Variants in PIK3R6 observed in about 807,000 individuals in gnomAD.
PIK3R6 encodes phosphoinositide 3-kinase regulatory subunit 6.
PIK3R6 carries 91 observed loss-of-function variants against 84.9 expected under a neutral mutation model. The observed-to-expected ratio is 1.07, with a 90% CI of 0.90 to 1.28. The LOEUF (loss-of-function observed/expected upper bound fraction) is 1.28. PIK3R6 is among the 50% of genes most tolerant of loss of function. PIK3R6 has a pLI of 0.00. For missense variants in PIK3R6, 996 were observed against 985.1 expected, an observed-to-expected ratio of 1.01 and a Z score of -0.15; for synonymous variants, 416 against 411.4, an observed-to-expected ratio of 1.01 and a Z score of -0.13.
chr17:8,829,637 C>T, intron 10 of PIK3R6, 69 bp downstream of exon 10: 2 of 1,438,384 alleles, frequency 1.4e-6, no homozygotes, highest in Admixed American at 2.0e-5. Flanking sequence ...CTGACACACA[C>T]TCATGCACGC....
chr17:8,828,967 G>T lies in PIK3R6; in HGVS notation c.913C>A (p.Arg305Ser). ...QLWKELVLFLRPRSQLRLSAD... is the reference protein window; with the variant it reads ...QLWKELVLFLSPRSQLRLSAD... The stretch of plus-strand genomic sequence containing the variant: ...CTGAGGCGCAGCTGGGATCTTGGGC[G>T]GAGGAAGAGCACCAGTTCCTTCCCT... Residue 305 changes from arginine (R) to serine (S), a missense_variant, in exon 11 of 20, where the codon CGC (arginine) becomes AGC (serine). Coordinates refer to ENST00000619866, the MANE Select transcript of PIK3R6 (RefSeq NM_001010855.4). 1 of 1,500,100 alleles carries T rather than the reference G, an allele frequency of 6.7e-7. No homozygotes were observed. The highest frequency in any genetic ancestry group is 8.9e-7 in the Non-Finnish European group (1 of 1,124,548). The allele number at this position is 1,500,100 out of a possible 1,614,324, so 92.9% of individuals were successfully genotyped here.
intron 18 of PIK3R6, among the ~76,000 whole-genome samples, chr17:8,814,034 G>A (rs75456541): frequency 0.023 from 3,457 of 152,018 alleles, 130 homozygotes; most frequent in African/African-American, 0.076. Flanking sequence ...CCCTTTACTC[G>A]CTGAGGCAGG....
intron 18 of PIK3R6, among the ~76,000 whole-genome samples, chr17:8,813,055 A>C (rs2087405758): frequency 6.6e-6 from 1 of 152,216 alleles, no homozygotes; most frequent in African/African-American, 2.4e-5. Flanking sequence ...GAAATGAGAA[A>C]GGTATCATTA....
intron 1 of PIK3R6, among the ~76,000 whole-genome samples, chr17:8,851,263 C>T (rs901819470): frequency 1.3e-5 from 2 of 151,952 alleles, no homozygotes; most frequent in Admixed American, 6.6e-5. Flanking sequence ...TTTGGGAGGC[C>T]GAGGCGGGCA....
intron 1 of PIK3R6, among the ~76,000 whole-genome samples, chr17:8,858,823 C>T (rs1173400756): frequency 3.9e-5 from 6 of 152,198 alleles, no homozygotes; most frequent in African/African-American, 9.7e-5. Flanking sequence ...TCCAGCCCAC[C>T]GCTCTGCTGG....
Position 8,836,556 on chromosome 17 carries a change from T to A in PIK3R6, c.452A>T (p.Tyr151Phe). Residue 151 changes from tyrosine (Y) to phenylalanine (F), a missense_variant, in exon 7 of 20, where the codon TAC becomes TTC. Tyr to Phe is a conservative substitution (Grantham distance 22). Coordinates refer to ENST00000619866, the MANE Select transcript of PIK3R6 (RefSeq NM_001010855.4). ...EQNLTNELYP[Y>F]QERVFLFVDP... ...TTCTGGGGCCACTCACCTCTCCTGGTAGGGATACAGCTCATTCGTCAAGTT... is the reference window on the plus strand; with the variant it reads ...TTCTGGGGCCACTCACCTCTCCTGGAAGGGATACAGCTCATTCGTCAAGTT... 6.2e-7 allele frequency: 1 copy of A among 1,613,956 alleles called. No homozygotes were observed. The highest frequency in any genetic ancestry group is 8.5e-7 in the Non-Finnish European group (1 of 1,179,880).
chr17:8,836,980 A>C (rs1383699216), intron 5 of PIK3R6, 57 bp from the exon 6 acceptor site: 11 of 334,524 alleles, frequency 3.3e-5, no homozygotes, highest in Non-Finnish European at 4.5e-5. Flanking sequence ...AAGAGGGAGG[A>C]GGGGGAGGTG....
chr17:8,835,482 G>A, intron 7 of PIK3R6, 26 bp from the exon 8 acceptor site: 1 of 1,521,072 alleles, frequency 6.6e-7, no homozygotes, highest in Non-Finnish European at 8.9e-7. Context: ...GAGGGGAGAG[G>A]TGGGATTGAT....
intron 9 of PIK3R6, among the ~76,000 whole-genome samples, chr17:8,832,197 G>A (rs972537415): frequency 2.0e-5 from 3 of 152,136 alleles, no homozygotes; most frequent in South Asian, 2.1e-4. Context: ...ACTCAGTTTC[G>A]TCCTCTGTAA....
intron 9 of PIK3R6, among the ~76,000 whole-genome samples, chr17:8,830,977 A>G (rs1371179448): frequency 6.6e-6 from 1 of 151,950 alleles, no homozygotes; most frequent in South Asian, 2.1e-4. Flanking sequence ...CCCCGTCTCT[A>G]CTAAAAAAAC....
chr17:8,832,764 C>T (rs1208340243), intron 9 of PIK3R6, 125 bp downstream of exon 9: 3 of 1,433,904 alleles, frequency 2.1e-6, no homozygotes, highest in Admixed American at 1.9e-5. Context: ...AGTCCCCAGG[C>T]TCCTGGGAGT....
intron 1 of PIK3R6, among the ~76,000 whole-genome samples, chr17:8,860,273 G>A (rs1393058618): frequency 6.7e-6 from 1 of 149,204 alleles, no homozygotes; most frequent in Non-Finnish European, 1.5e-5. Flanking sequence ...GACCGCCTGA[G>A]CTCCGCCTCC....
At position 8,837,849 on chromosome 17, in the gene PIK3R6, T is replaced by C; in HGVS notation, c.212A>G (p.His71Arg). 6.2e-7 allele frequency: 1 copy of C among 1,613,940 alleles called. No individual in the cohort carries two copies. Among genetic ancestry groups the C allele is most frequent in the African/African-American group, 1.3e-5 (1 of 75,044 alleles). ...LEKAESQDLRHVIIPLLHTVM... is the reference protein window; with the variant it reads ...LEKAESQDLRRVIIPLLHTVM... ...AGTGTGCAGCAAGGGAATGATGACA[T>C]GCCGGAGGTCCTGGCTTTCCGCCTG... Residue 71 changes from histidine to arginine, a missense_variant, in exon 5 of 20, where the codon CAT (histidine) becomes CGT (arginine). Transcript: ENST00000619866.
At chr17:8,865,267 T>G (rs2089379970) in intron 1 of PIK3R6, among the ~76,000 whole-genome samples, 1 of 152,078 alleles carries the variant, frequency 6.6e-6, no homozygotes, top group Non-Finnish European at 1.5e-5. Context: ...TCCCCCCAGC[T>G]CACCATTGCT....
intron 1 of PIK3R6, among the ~76,000 whole-genome samples, chr17:8,860,704 C>T (rs2089259603): frequency 6.6e-6 from 1 of 152,156 alleles, no homozygotes; most frequent in South Asian, 2.1e-4. Context: ...GATCTAGCAA[C>T]ACCAGACCCA....
At chr17:8,824,668 A>C (rs2087860667) in intron 13 of PIK3R6, among the ~76,000 whole-genome samples, 1 of 152,230 alleles carries the variant, frequency 6.6e-6, no homozygotes, top group South Asian at 2.1e-4. Context: ...AAAACCTTAC[A>C]GTGTCCCAGC....
intron 13 of PIK3R6, among the ~76,000 whole-genome samples, chr17:8,826,200 G>A (rs1415717988): frequency 6.6e-6 from 1 of 152,204 alleles, no homozygotes; most frequent in Non-Finnish European, 1.5e-5. Flanking sequence ...GGCTGCTGTG[G>A]GAATTAAATG....
intron 18 of PIK3R6, among the ~76,000 whole-genome samples, chr17:8,807,231 A>C (rs372230736): frequency 6.6e-6 from 1 of 152,150 alleles, no homozygotes; most frequent in South Asian, 2.1e-4. Context: ...CTGCCTCAGA[A>C]AGCGTCAGCT....
chr17:8,809,559 T>C (rs2087295129), intron 18 of PIK3R6, among the ~76,000 whole-genome samples: 1 of 152,084 alleles, frequency 6.6e-6, no homozygotes, highest in African/African-American at 2.4e-5. Context: ...GTTCCAGGCA[T>C]TAAAGTAGGA....
Sources: gnomAD v4.1 joint callset for allele counts (sites outside exome capture counted in the v4.1 genomes callset) on GRCh38, gnomAD v4.1.1 for gene constraint, MANE v1.5 for transcripts, NCBI Gene and HGNC (gene_info 2026-07-23, HGNC 2026-07-21) for gene names.